EYA2: variants seen among roughly 807,000 people sequenced by gnomAD.
EYA2 encodes the protein EYA transcriptional coactivator and phosphatase 2, also known as protein phosphatase EYA2.
Under a neutral mutation model 69.2 loss-of-function variants are expected in EYA2, and 31 were observed. The ratio of observed to expected loss-of-function variants is 0.45; its 90% CI spans 0.34 to 0.60. EYA2 has a LOEUF of 0.60. Ranked by LOEUF, EYA2 falls within the 20% of genes least tolerant of loss-of-function variation. The pLI is 0.02. For synonymous variants in EYA2, 257 were observed against 279.4 expected (o/e 0.92, Z 0.80); for missense variants, 622 against 701.2 (o/e 0.89, Z 1.28).
intron 1 of EYA2, among the ~76,000 whole-genome samples, chr20:46,912,217 A>C (rs1053866570): frequency 6.6e-6 from 1 of 152,202 alleles, no homozygotes; most frequent in African/African-American, 2.4e-5. Context: ...GTGAGTTTCA[A>C]AATGTTGCCT....
At chr20:46,935,543 A>G (rs1037845609) in intron 1 of EYA2, among the ~76,000 whole-genome samples, 43 of 152,098 alleles carry the variant, frequency 2.8e-4, no homozygotes, top group Admixed American at 2.6e-3. Flanking sequence ...GAAACTGGGC[A>G]CCATGATAGC....
In EYA2 at chr20:47,097,082, C is replaced by T. The variant is rs1412687603; in HGVS notation, c.805-3C>T. ...TCCATTCTCTTCCTCTCTTTCATCA[C>T]AGCGTGTGTTCGTGTGGGACTTGGA... On this transcript the variant is annotated splice_region_variant and splice_polypyrimidine_tract_variant and intron_variant, in intron 8 of 15. Transcript: ENST00000327619. The T allele has an allele frequency of 5.6e-6, 9 of 1,607,900 alleles. No homozygotes were observed. Among genetic ancestry groups the T allele is most frequent in the Admixed American group, 1.7e-5 (1 of 59,030 alleles).
At chr20:47,021,976 G>A (rs1983776535) in intron 5 of EYA2, among the ~76,000 whole-genome samples, 1 of 152,192 alleles carries the variant, frequency 6.6e-6, no homozygotes, top group African/African-American at 2.4e-5. Context: ...GCTAACAAGA[G>A]TTCCAGGAAA....
chr20:46,910,290 A>T lies in EYA2; in HGVS notation c.-11+15303A>T, dbSNP rs1387602664. 3.3e-5 allele frequency among the ~76,000 whole-genome samples: 5 copies of T among 152,252 alleles called. No homozygotes were observed. The South Asian group carries it at 8.3e-4, about 25-fold the overall frequency. On this transcript the variant is annotated intron_variant, in intron 1 of 15. Coordinates refer to ENST00000327619, the MANE Select transcript of EYA2 (RefSeq NM_005244.5). ...CATGGTGGAGCAAGAGGAAGAGAGAAAGAGGCGGGAGGTGCCACACTGTTG... is the reference window on the plus strand; with the variant it reads ...CATGGTGGAGCAAGAGGAAGAGAGATAGAGGCGGGAGGTGCCACACTGTTG...
At chr20:47,114,545 A>G (rs1358207376) in intron 9 of EYA2, among the ~76,000 whole-genome samples, 1 of 152,092 alleles carries the variant, frequency 6.6e-6, no homozygotes, top group Non-Finnish European at 1.5e-5. Context: ...AACCCAGGAG[A>G]TGGATATTGT....
intron 7 of EYA2, among the ~76,000 whole-genome samples, chr20:47,078,353 ACACACACAC>A (rs2031600558): frequency 3.3e-5 from 5 of 152,130 alleles, no homozygotes; most frequent in African/African-American, 1.2e-4. Context: ...ACACACACAC[ACACACACAC>A]ATTCATGCAC....
chr20:47,043,452 T>C (rs149912794), intron 5 of EYA2, among the ~76,000 whole-genome samples: 3,640 of 152,290 alleles, frequency 0.024, 64 homozygotes, highest in Middle Eastern at 0.1. Context: ...CCAGTCCTGC[T>C]TCTCCCTGGC....
chr20:47,057,518 C>CT (rs1027868736), intron 5 of EYA2, among the ~76,000 whole-genome samples: 2 of 150,888 alleles, frequency 1.3e-5, no homozygotes, highest in Non-Finnish European at 3.0e-5. Flanking sequence ...TCACCCCCCC[C>CT]CCCCATCTCA....
intron 9 of EYA2, among the ~76,000 whole-genome samples, chr20:47,101,426 C>T (rs112814891): frequency 3.3e-5 from 5 of 152,288 alleles, no homozygotes; most frequent in African/African-American, 1.2e-4. Flanking sequence ...AAGTTGCAGG[C>T]ATCACTTCTG....
intron 9 of EYA2, among the ~76,000 whole-genome samples, chr20:47,109,412 T>A (rs1376534077): frequency 6.6e-6 from 1 of 152,214 alleles, no homozygotes; most frequent in Non-Finnish European, 1.5e-5. Context: ...CCCCTCCCTA[T>A]ATAGCTCAGT....
intron 1 of EYA2, among the ~76,000 whole-genome samples, chr20:46,900,361 G>A (rs746513294): frequency 2.0e-5 from 3 of 152,050 alleles, no homozygotes; most frequent in Non-Finnish European, 4.4e-5. Context: ...CCCAAGAATG[G>A]CCTTTCATAA....
intron 9 of EYA2, among the ~76,000 whole-genome samples, chr20:47,103,370 A>G (rs948543747): frequency 2.0e-5 from 3 of 152,180 alleles, no homozygotes; most frequent in Non-Finnish European, 4.4e-5. Context: ...ACGTGTGATC[A>G]TCCGTGTTGT....
chr20:47,142,914 C>T (rs1210010013), intron 9 of EYA2, 145 bp from the exon 10 acceptor site: 2 of 544,974 alleles, frequency 3.7e-6, no homozygotes, highest in Non-Finnish European at 6.4e-6. Context: ...ACCGGCCTCA[C>T]ACAGAGACTC....
At chr20:46,948,769 C>A (rs1978625155) in intron 1 of EYA2, among the ~76,000 whole-genome samples, 1 of 152,194 alleles carries the variant, frequency 6.6e-6, no homozygotes, top group Admixed American at 6.5e-5. Context: ...AGGTAACTGT[C>A]AGTTCCAAAC....
At chr20:47,059,540 G>A (rs1326435306) in intron 5 of EYA2, among the ~76,000 whole-genome samples, 9 of 152,140 alleles carry the variant, frequency 5.9e-5, no homozygotes, top group Admixed American at 2.0e-4. Flanking sequence ...TAGTAGAGAC[G>A]GGGTTTTGCC....
intron 1 of EYA2, among the ~76,000 whole-genome samples, chr20:46,974,440 G>A (rs2146303898): frequency 6.6e-6 from 1 of 152,266 alleles, no homozygotes; most frequent in South Asian, 2.1e-4. Flanking sequence ...TCATTGCAAT[G>A]GGCTATGGTT....
At chr20:46,911,804 A>G (rs930407651) in intron 1 of EYA2, among the ~76,000 whole-genome samples, 1 of 152,204 alleles carries the variant, frequency 6.6e-6, no homozygotes, top group South Asian at 2.1e-4. Context: ...GGTGGGGGTG[A>G]TGAAGAGAAG....
At chr20:47,083,762 T>C (rs1212458060) in intron 7 of EYA2, among the ~76,000 whole-genome samples, 1 of 151,990 alleles carries the variant, frequency 6.6e-6, no homozygotes, top group Non-Finnish European at 1.5e-5. Context: ...ACACCAAAAA[T>C]ATGATCCAAA....
intron 1 of EYA2, among the ~76,000 whole-genome samples, chr20:46,946,755 C>G (rs1292146862): frequency 6.6e-6 from 1 of 152,094 alleles, no homozygotes; most frequent in Non-Finnish European, 1.5e-5. Context: ...GGCCCATGGG[C>G]CATAGTTTAC....
Sources: allele counts gnomAD v4.1 joint callset (sites outside exome capture counted in the v4.1 genomes callset), GRCh38; gene constraint gnomAD v4.1.1; transcripts MANE v1.5; gene names NCBI Gene and HGNC (gene_info 2026-07-23, HGNC 2026-07-21).